TAFA2: variants seen among roughly 807,000 people sequenced by gnomAD.
TAFA2 encodes the protein chemokine-like protein TAFA-2.
Under a neutral mutation model 18.8 loss-of-function variants are expected in TAFA2, and 7 were observed. The observed-to-expected ratio is 0.37, with a 90% CI of 0.21 to 0.70. TAFA2 has a LOEUF of 0.70. Ranked by LOEUF, TAFA2 falls within the 30% of genes least tolerant of loss-of-function variation. The probability of loss-of-function intolerance (pLI) is 0.53; values close to 1 mark genes in which losing one functional copy is unlikely to be tolerated. For missense variants in TAFA2, 122 were observed against 158.1 expected (o/e 0.77, Z 1.23); for synonymous variants, 60 against 54.2 (o/e 1.11, Z -0.47).
intron 1 of TAFA2, among the ~76,000 whole-genome samples, chr12:61,924,537 G>A (rs1259317754): frequency 6.6e-6 from 1 of 152,180 alleles, no homozygotes; most frequent in Non-Finnish European, 1.5e-5. Context: ...GCAAGCAAAT[G>A]CTGAGAGATT....
intron 1 of TAFA2, among the ~76,000 whole-genome samples, chr12:61,900,988 G>A (rs541724287): frequency 6.6e-6 from 1 of 151,886 alleles, no homozygotes; most frequent in South Asian, 2.1e-4. Context: ...TCATTAAATT[G>A]GCCAATCCAT....
rs538550736 is a variant in TAFA2 at position 62,047,761 on chromosome 12, C to T, written c.-2+143498G>A. 9.9e-4 allele frequency among the ~76,000 whole-genome samples: 151 copies of T among 152,080 alleles called. 1 individual carries two copies. Among genetic ancestry groups the T allele is most frequent in the African/African-American group, 3.5e-3 (146 of 41,520 alleles). Reference sequence around the variant, plus strand: ...AGTTTTTTTAAATATTAAGAATAACCTTTTGTGCCTACCTCAGTCTACCTG... The same window carrying T: ...AGTTTTTTTAAATATTAAGAATAACTTTTTGTGCCTACCTCAGTCTACCTG... On this transcript the variant is annotated intron_variant, in intron 1 of 4. Transcript: ENST00000416284.
intron 1 of TAFA2, among the ~76,000 whole-genome samples, chr12:62,138,156 G>T (rs79748872): frequency 1.2e-4 from 18 of 152,138 alleles, no homozygotes; most frequent in African/African-American, 4.3e-4. Context: ...GGTGGCACCC[G>T]CCTGTTGTCC....
intron 1 of TAFA2, among the ~76,000 whole-genome samples, chr12:61,998,793 AG>A (rs1215096355): frequency 6.6e-6 from 1 of 152,246 alleles, no homozygotes; most frequent in African/African-American, 2.4e-5. Flanking sequence ...AAGAAAAACA[AG>A]GGAGGGGCTG....
chr12:62,252,452 GAAC>G (rs1233752752), intron 1 of TAFA2: 1 of 152,138 alleles, frequency 6.6e-6, no homozygotes, highest in African/African-American at 2.4e-5. Flanking sequence ...CACCTTTTGG[GAAC>G]AATACCTCTA....
chr12:62,064,144 T>G (rs1882426203), intron 1 of TAFA2, among the ~76,000 whole-genome samples: 1 of 152,058 alleles, frequency 6.6e-6, no homozygotes, highest in South Asian at 2.1e-4. Flanking sequence ...AACTAACAAA[T>G]GACAGCGCTG....
Position 62,019,520 on chromosome 12 carries a change from G to A in TAFA2, c.-1-152094C>T, listed in dbSNP as rs558490910. On this transcript the variant is annotated intron_variant, in intron 1 of 4. Transcript: ENST00000416284. ...AAATGATGAGTTTATGTCCTTTGTA[G>A]GGACATAGATGAAGCTGGAAACCAT... Among the ~76,000 whole-genome samples the A allele has an allele frequency of 2.4e-3, 370 of 152,000 alleles. 1 individual carries two copies. The highest frequency in any genetic ancestry group is 8.1e-3 in the African/African-American group (335 of 41,404).
chr12:62,184,512 T>TTTTTTTTTTTTTTTG (rs1555196658), intron 1 of TAFA2, among the ~76,000 whole-genome samples: 1 of 147,070 alleles, frequency 6.8e-6, no homozygotes, highest in African/African-American at 2.5e-5. Context: ...CTTTTTTTTT[T>TTTTTTTTTTTTTTTG]GAGGCATAGT....
At chr12:61,844,937 T>C (rs1384737524) in intron 2 of TAFA2, among the ~76,000 whole-genome samples, 2 of 151,986 alleles carry the variant, frequency 1.3e-5, no homozygotes, top group Admixed American at 6.6e-5. Flanking sequence ...AAAGCAACTA[T>C]CCAAAATTCA....
chr12:62,184,046 G>A (rs560260997), intron 1 of TAFA2, among the ~76,000 whole-genome samples: 1 of 152,128 alleles, frequency 6.6e-6, no homozygotes, highest in South Asian at 2.1e-4. Context: ...ATGTCCCAAG[G>A]TCTATAGCCT....
intron 1 of TAFA2, among the ~76,000 whole-genome samples, chr12:62,019,063 C>T (rs909051113): frequency 8.5e-5 from 13 of 152,176 alleles, no homozygotes; most frequent in African/African-American, 2.9e-4. Flanking sequence ...AGCCAAAAGA[C>T]ACATGAAAAA....
At chr12:62,181,531 G>A (rs550598082) in intron 1 of TAFA2, among the ~76,000 whole-genome samples, 22 of 152,268 alleles carry the variant, frequency 1.4e-4, no homozygotes, top group East Asian at 1.3e-3. Context: ...TGACTATTAC[G>A]AACTATATTA....
chr12:61,925,453 C>T (rs1461356031), intron 1 of TAFA2, among the ~76,000 whole-genome samples: 1 of 152,152 alleles, frequency 6.6e-6, no homozygotes, highest in African/African-American at 2.4e-5. Flanking sequence ...TGCACAACTA[C>T]TTGGAAACTG....
At chr12:61,733,937 CT>C (rs1868261808) in intron 4 of TAFA2, among the ~76,000 whole-genome samples, 1 of 148,722 alleles carries the variant, frequency 6.7e-6, no homozygotes. Context: ...TTTGTATCCT[CT>C]TTTATTTCCT....
At chr12:62,051,723 G>C (rs1592306344) in intron 1 of TAFA2, among the ~76,000 whole-genome samples, 1 of 151,776 alleles carries the variant, frequency 6.6e-6, no homozygotes, top group Admixed American at 6.5e-5. Context: ...GAGGTGACAG[G>C]TGTGCATAGT....
intron 1 of TAFA2, among the ~76,000 whole-genome samples, chr12:61,936,281 C>T (rs2121406310): frequency 6.6e-6 from 1 of 152,104 alleles, no homozygotes; most frequent in South Asian, 2.1e-4. Flanking sequence ...ATCCAGCATC[C>T]CTTGGCCGGG....
intron 2 of TAFA2, among the ~76,000 whole-genome samples, chr12:61,769,284 T>C (rs1333198271): frequency 6.6e-6 from 1 of 151,870 alleles, no homozygotes; most frequent in Non-Finnish European, 1.5e-5. Flanking sequence ...ACAGTGGACA[T>C]AATTACTGGG....
intron 1 of TAFA2, among the ~76,000 whole-genome samples, chr12:62,242,856 G>A (rs749745061): frequency 5.9e-4 from 90 of 152,178 alleles, no homozygotes; most frequent in Non-Finnish European, 4.4e-4. Context: ...ATAGATGGAA[G>A]TATACATACC....
intron 1 of TAFA2, among the ~76,000 whole-genome samples, chr12:61,933,701 TGACA>T (rs936871893): frequency 1.2e-4 from 18 of 152,220 alleles, no homozygotes; most frequent in African/African-American, 4.1e-4. Context: ...CCAGCCTGGG[TGACA>T]GAGACAGACC....
Sources: gnomAD v4.1 joint callset for allele counts (sites outside exome capture counted in the v4.1 genomes callset) on GRCh38, gnomAD v4.1.1 for gene constraint, MANE v1.5 for transcripts, NCBI Gene and HGNC (gene_info 2026-07-23, HGNC 2026-07-21) for gene names.